DCLK2: variants seen among roughly 807,000 people sequenced by gnomAD.
DCLK2 encodes doublecortin like kinase 2, also known as serine/threonine-protein kinase DCLK2.
A neutral mutation model predicts 78.4 loss-of-function variants in DCLK2; 31 were observed. The observed-to-expected ratio is 0.40, with a 90% CI of 0.30 to 0.53. DCLK2 has a LOEUF of 0.53. DCLK2 is among the 20% of genes least tolerant of loss of function. The pLI is 0.61. For missense variants in DCLK2, 872 were observed against 973.7 expected, an observed-to-expected ratio of 0.90 and a Z score of 1.39; for synonymous variants, 407 against 374.9, an observed-to-expected ratio of 1.09 and a Z score of -0.99.
intron 2 of DCLK2, among the ~76,000 whole-genome samples, chr4:150,175,094 T>TTATATATTTA (rs1736921155): frequency 1.6e-5 from 1 of 64,182 alleles, no homozygotes; most frequent in Non-Finnish European, 3.0e-5. Flanking sequence ...ATATATATAT[T>TTATATATTTA]TATATATATT....
At chr4:150,214,176 A>G (rs966695969) in intron 5 of DCLK2, among the ~76,000 whole-genome samples, 4 of 152,228 alleles carry the variant, frequency 2.6e-5, no homozygotes, top group African/African-American at 9.7e-5. Context: ...TACACAGATT[A>G]TGGTAGCTGA....
At chr4:150,149,077 A>G (rs1253106082) in intron 2 of DCLK2, among the ~76,000 whole-genome samples, 1 of 151,052 alleles carries the variant, frequency 6.6e-6, no homozygotes, top group Non-Finnish European at 1.5e-5. Context: ...GAGACCATGG[A>G]TACCTGAAAG....
chr4:150,114,164 A>G (rs1485413919), intron 2 of DCLK2, among the ~76,000 whole-genome samples: 3 of 152,182 alleles, frequency 2.0e-5, no homozygotes, highest in Non-Finnish European at 4.4e-5. Flanking sequence ...GTGGCCTATC[A>G]TATGGTCTAT....
At chr4:150,205,674 G>T (rs1272023098) in intron 5 of DCLK2, among the ~76,000 whole-genome samples, 1 of 152,228 alleles carries the variant, frequency 6.6e-6, no homozygotes, top group Non-Finnish European at 1.5e-5. Flanking sequence ...CCCTGGAACA[G>T]ATTGGAAGTA....
chr4:150,253,107 T>C (rs536805182), intron 15 of DCLK2, among the ~76,000 whole-genome samples: 1 of 96,152 alleles, frequency 1.0e-5, no homozygotes, highest in Admixed American at 9.7e-5. Context: ...GTCCTCCTCA[T>C]CCTCCTCATC....
chr4:150,154,489 G>C (rs949101259), intron 2 of DCLK2, among the ~76,000 whole-genome samples: 3 of 152,076 alleles, frequency 2.0e-5, no homozygotes, highest in Admixed American at 1.3e-4. Flanking sequence ...CTTCATACCT[G>C]GACACTTCAT....
At chr4:150,239,579 C>T (rs1742754807) in intron 10 of DCLK2, among the ~76,000 whole-genome samples, 163 bp from the exon 11 acceptor site, 1 of 151,112 alleles carries the variant, frequency 6.6e-6, no homozygotes, top group African/African-American at 2.4e-5. Context: ...CCAGCCTGGG[C>T]AACAAAGCGA....
At chr4:150,125,056 C>T (rs566049367) in intron 2 of DCLK2, among the ~76,000 whole-genome samples, 18 of 152,126 alleles carry the variant, frequency 1.2e-4, no homozygotes, top group Non-Finnish European at 2.4e-4. Context: ...ATGAGAAAGA[C>T]ACCAATGTTT....
chr4:150,174,217 C>G (rs149983838), intron 2 of DCLK2, among the ~76,000 whole-genome samples: 18 of 152,150 alleles, frequency 1.2e-4, no homozygotes, highest in Non-Finnish European at 1.5e-5. Context: ...CTTTGATGTA[C>G]GTAGCACTTC....
chr4:150,194,420 T>C (rs548622634), intron 3 of DCLK2, among the ~76,000 whole-genome samples: 47 of 152,312 alleles, frequency 3.1e-4, no homozygotes, highest in African/African-American at 1.1e-3. Flanking sequence ...CATATGACTA[T>C]ATTTAGAAAG....
At position 150,092,296 on chromosome 4, in the gene DCLK2, C is replaced by T. The variant is rs150631910; in HGVS notation, c.422-10182C>T. ...AGAGTGCCAGTATCTTTTTGGGATG[C>T]TTATATCAATTCTTCTGGATATATA... On this transcript the variant is annotated intron_variant, in intron 1 of 15. Transcript: ENST00000296550. Among the ~76,000 whole-genome samples the T allele has an allele frequency of 2.8e-3, 424 of 152,164 alleles. 3 individuals carry two copies. Among genetic ancestry groups the T allele is most frequent in the African/African-American group, 9.6e-3 (399 of 41,520 alleles).
At chr4:150,251,766 C>T (rs1398833932) in intron 15 of DCLK2, among the ~76,000 whole-genome samples, 1 of 142,420 alleles carries the variant, frequency 7.0e-6, no homozygotes, top group Admixed American at 7.0e-5. Context: ...CCACACACCC[C>T]ACACACCCCA....
At chr4:150,122,112 T>G (rs1732593334) in intron 2 of DCLK2, among the ~76,000 whole-genome samples, 1 of 152,216 alleles carries the variant, frequency 6.6e-6, no homozygotes, top group South Asian at 2.1e-4. Flanking sequence ...TTTACTCTAT[T>G]TGATAGCATT....
At chr4:150,197,489 C>T (rs1334732288) in intron 3 of DCLK2, among the ~76,000 whole-genome samples, 1 of 152,070 alleles carries the variant, frequency 6.6e-6, no homozygotes, top group Admixed American at 6.5e-5. Flanking sequence ...CGTGGTGGCT[C>T]ATGCCTGTAA....
Position 150,104,390 on chromosome 4 carries a change from C to T in DCLK2, c.756+1578C>T, listed in dbSNP as rs1269081750. ...GTGCTGGTGACAAAAAAGACCACAT[C>T]TCCTAAAAAAAAAAAAAAAAAAAAA... On this transcript the variant is annotated intron_variant, in intron 2 of 15. Transcript: ENST00000296550. Among the ~76,000 whole-genome samples, 32 of 18,994 alleles carry T rather than the reference C, an allele frequency of 1.7e-3. 1 individual carries two copies. Among genetic ancestry groups the T allele is most frequent in the Non-Finnish European group, 2.7e-3 (27 of 10,134 alleles). 12.5% of individuals were successfully genotyped at this position (18,994 alleles called of 152,430 possible).
chr4:150,210,787 A>G (rs1264210890), intron 5 of DCLK2, among the ~76,000 whole-genome samples: 1 of 151,422 alleles, frequency 6.6e-6, no homozygotes, highest in Non-Finnish European at 1.5e-5. Flanking sequence ...ATCTCTACTA[A>G]AAATAGAAAA....
intron 12 of DCLK2, among the ~76,000 whole-genome samples, chr4:150,244,174 G>T (rs1432771633): frequency 6.6e-6 from 1 of 152,014 alleles, no homozygotes; most frequent in African/African-American, 2.4e-5. Context: ...GCCTCAGGCA[G>T]TCCTCCCACT....
chr4:150,131,936 C>A (rs1291680416), intron 2 of DCLK2, among the ~76,000 whole-genome samples: 1 of 152,068 alleles, frequency 6.6e-6, no homozygotes, highest in Non-Finnish European at 1.5e-5. Context: ...GAAATGCAGA[C>A]CCCTTGTTCA....
chr4:150,080,454 A>G lies in DCLK2; in HGVS notation c.421+1006A>G, dbSNP rs569455852. 2.0e-5 allele frequency among the ~76,000 whole-genome samples: 3 copies of G among 152,304 alleles called. No individual in the cohort carries two copies. In the East Asian group the frequency reaches 5.8e-4, roughly 29 times the overall value. ...GTTTCCAGTTCTAAATAACATCCAGAAAGACCAGGCAGAACCCAGGTATGT... is the reference window on the plus strand; with the variant it reads ...GTTTCCAGTTCTAAATAACATCCAGGAAGACCAGGCAGAACCCAGGTATGT... On this transcript the variant is annotated intron_variant, in intron 1 of 15. Coordinates refer to ENST00000296550, the MANE Select transcript of DCLK2 (RefSeq NM_001040260.4).
Sources: gnomAD v4.1 joint callset for allele counts (sites outside exome capture counted in the v4.1 genomes callset) on GRCh38, gnomAD v4.1.1 for gene constraint, MANE v1.5 for transcripts, NCBI Gene and HGNC (gene_info 2026-07-23, HGNC 2026-07-21) for gene names.